CACNA2D3: variants seen among roughly 807,000 people sequenced by gnomAD.
CACNA2D3 encodes the protein voltage-dependent calcium channel subunit alpha-2/delta-3.
CACNA2D3 carries 60 observed loss-of-function variants against 160.6 expected under a neutral mutation model. The ratio of observed to expected loss-of-function variants is 0.37; its 90% CI spans 0.30 to 0.46. The LOEUF (loss-of-function observed/expected upper bound fraction) is 0.46. Ranked by LOEUF, CACNA2D3 falls within the 20% of genes least tolerant of loss-of-function variation. The pLI, the probability that CACNA2D3 is intolerant of heterozygous loss-of-function variation, is 1.00. For synonymous variants in CACNA2D3, 558 were observed against 492.9 expected (o/e 1.13, Z -1.75); for missense variants, 1,205 against 1,365.0 (o/e 0.88, Z 1.85).
chr3:54,997,792 G>C (rs1199857440), intron 31 of CACNA2D3, among the ~76,000 whole-genome samples: 2 of 152,168 alleles, frequency 1.3e-5, no homozygotes, highest in Admixed American at 6.5e-5. Flanking sequence ...AGCCAACGTT[G>C]AGAATCACTG....
chr3:54,706,829 G>A (rs1700864593), intron 11 of CACNA2D3, among the ~76,000 whole-genome samples: 1 of 152,174 alleles, frequency 6.6e-6, no homozygotes, highest in South Asian at 2.1e-4. Context: ...CAATATAATG[G>A]ATTTCATTTG....
At chr3:54,161,293 A>G (rs1576968917) in intron 2 of CACNA2D3, among the ~76,000 whole-genome samples, 2 of 152,224 alleles carry the variant, frequency 1.3e-5, no homozygotes, top group Non-Finnish European at 2.9e-5. Context: ...TGCCGTGGCC[A>G]TACCATTGCC....
chr3:54,273,795 T>C (rs903134803), intron 2 of CACNA2D3, among the ~76,000 whole-genome samples: 3 of 152,188 alleles, frequency 2.0e-5, no homozygotes, highest in Admixed American at 6.5e-5. Context: ...TCTTTCATAA[T>C]GGAGCTTTAA....
At chr3:54,517,960 C>T (rs1199983676) in intron 5 of CACNA2D3, among the ~76,000 whole-genome samples, 1 of 152,184 alleles carries the variant, frequency 6.6e-6, no homozygotes. Flanking sequence ...CTCAGCTTTG[C>T]AGCCCTCAGG....
intron 11 of CACNA2D3, among the ~76,000 whole-genome samples, chr3:54,678,094 C>A (rs1700276167): frequency 6.6e-6 from 1 of 152,094 alleles, no homozygotes; most frequent in Admixed American, 6.6e-5. Flanking sequence ...TGATCTGAAT[C>A]TAAGGGGTCT....
intron 35 of CACNA2D3, among the ~76,000 whole-genome samples, chr3:55,070,755 A>G (rs1704786412): frequency 1.3e-5 from 2 of 152,202 alleles, no homozygotes; most frequent in African/African-American, 2.4e-5. Flanking sequence ...ACAAATGTGA[A>G]TCTGGGCTAT....
intron 30 of CACNA2D3, among the ~76,000 whole-genome samples, chr3:54,986,886 G>T (rs1415612384): frequency 6.6e-6 from 1 of 152,184 alleles, no homozygotes; most frequent in Non-Finnish European, 1.5e-5. Context: ...TCCCCCATGG[G>T]ACACCTTGCA....
chr3:55,073,584 A>G (rs377382383), intron 36 of CACNA2D3, 27 bp downstream of exon 36: 20 of 1,563,376 alleles, frequency 1.3e-5, no homozygotes, highest in Middle Eastern at 3.3e-4. Context: ...AGGTCCACTC[A>G]CTACCACGGA....
chr3:54,925,378 CT>C (rs1367373711), intron 27 of CACNA2D3, among the ~76,000 whole-genome samples: 1 of 152,170 alleles, frequency 6.6e-6, no homozygotes, highest in Non-Finnish European at 1.5e-5. Flanking sequence ...TAGAGCCAGG[CT>C]GGTCAGAGTA....
chr3:54,642,180 C>G lies in CACNA2D3; in HGVS notation c.1106C>G (p.Thr369Ser), dbSNP rs1223646313. 6.2e-7 allele frequency: 1 copy of G among 1,613,376 alleles called. No homozygotes were observed. Among genetic ancestry groups the G allele is most frequent in the African/African-American group, 1.3e-5 (1 of 75,036 alleles). The change falls in exon 11 of 38, where the codon ACT becomes AGT. Residue 369 changes from threonine to serine, a missense_variant. Thr to Ser is a moderately conservative substitution (Grantham distance 58). Transcript: ENST00000474759. Reference protein sequence around the residue: ...SICSQAIMLITDGAVDTYDTI... With the variant: ...SICSQAIMLISDGAVDTYDTI... ...TGCAGTCAGGCCATCATGCTCATAACTGATGGGGCGGTGGACACCTATGAT... is the reference window on the plus strand; with the variant it reads ...TGCAGTCAGGCCATCATGCTCATAAGTGATGGGGCGGTGGACACCTATGAT...
At chr3:54,201,195 A>G (rs1041817396) in intron 2 of CACNA2D3, among the ~76,000 whole-genome samples, 1 of 152,276 alleles carries the variant, frequency 6.6e-6, no homozygotes, top group East Asian at 1.9e-4. Context: ...ATTAAACCAC[A>G]TATATCATTG....
chr3:54,506,770 G>T (rs982643924), intron 5 of CACNA2D3, among the ~76,000 whole-genome samples: 2 of 152,166 alleles, frequency 1.3e-5, no homozygotes, highest in African/African-American at 2.4e-5. Context: ...TCCCCAGCTT[G>T]TGAGTCTTAC....
chr3:54,953,998 C>T (rs1380285594), intron 27 of CACNA2D3, among the ~76,000 whole-genome samples: 1 of 152,210 alleles, frequency 6.6e-6, no homozygotes, highest in Non-Finnish European at 1.5e-5. Context: ...GCCATCCATG[C>T]AGTTTTATTT....
At chr3:54,722,056 G>A (rs1391917692) in intron 11 of CACNA2D3, among the ~76,000 whole-genome samples, 1 of 152,160 alleles carries the variant, frequency 6.6e-6, no homozygotes, top group Non-Finnish European at 1.5e-5. Context: ...CCAATCAAAT[G>A]TAGATTTGGT....
rs1406193806 is a variant in CACNA2D3, at chr3:54,687,131, TTTTG to T, written c.1167+44894_1167+44897del. 5.9e-4 allele frequency among the ~76,000 whole-genome samples: 29 copies of T among 49,308 alleles called. 1 individual carries two copies. Among genetic ancestry groups the T allele is most frequent in the East Asian group, 2.3e-3 (7 of 3,106 alleles). The allele number at this position is 49,308 out of a possible 152,430, so 32.3% of individuals were successfully genotyped here. A position where few individuals can be genotyped will look rare whatever the true frequency, so the allele number is the denominator to read the frequency against. On this transcript the variant is annotated intron_variant, in intron 11 of 37. Transcript: ENST00000474759. ...TTTCTTTTTCTTTTTCTTTTTTTTT[TTTTG>T]TTTTTTTTTTTTTTTGTTTTTTTGA...
At chr3:54,541,126 A>C (rs1701968378) in intron 5 of CACNA2D3, among the ~76,000 whole-genome samples, 2 of 151,592 alleles carry the variant, frequency 1.3e-5, no homozygotes, top group South Asian at 4.2e-4. Flanking sequence ...AAATACAAAA[A>C]ATTAGCCGGG....
At chr3:54,826,769 T>G (rs1055906000) in intron 14 of CACNA2D3, among the ~76,000 whole-genome samples, 1 of 152,154 alleles carries the variant, frequency 6.6e-6, no homozygotes, top group African/African-American at 2.4e-5. Context: ...GCTTTCATAT[T>G]ATTTAACTGT....
intron 1 of CACNA2D3, 35 bp downstream of exon 1, chr3:54,122,870 A>T (rs1699502456): frequency 1.6e-6 from 2 of 1,215,572 alleles, no homozygotes; most frequent in Admixed American, 8.7e-5. Flanking sequence ...CGGGGAGGGG[A>T]CCTTGCCGCC....
chr3:54,276,369 G>A (rs1274022935), intron 2 of CACNA2D3, among the ~76,000 whole-genome samples: 1 of 152,134 alleles, frequency 6.6e-6, no homozygotes, highest in Non-Finnish European at 1.5e-5. Context: ...AGGAGTTCAA[G>A]ACCAGCCTGG....
Sources: allele counts gnomAD v4.1 joint callset (sites outside exome capture counted in the v4.1 genomes callset), GRCh38; gene constraint gnomAD v4.1.1; transcripts MANE v1.5; gene names NCBI Gene and HGNC (gene_info 2026-07-23, HGNC 2026-07-21).